The following RBBP4 variants were observed in gnomAD, a reference collection of about 807,000 sequenced individuals.
The protein encoded by RBBP4 is histone-binding protein RBBP4.
In RBBP4, 3 loss-of-function variants were observed where a neutral mutation model predicts 57.2. The ratio of observed to expected loss-of-function variants is 0.05; its 90% CI spans 0.02 to 0.14. The LOEUF (loss-of-function observed/expected upper bound fraction) is 0.14, where lower values mean the gene tolerates loss of function less well. RBBP4 is among the 10% of genes least tolerant of loss of function. The pLI is 1.00. For missense variants in RBBP4, 107 were observed against 520.6 expected (o/e 0.21, Z 7.73); for synonymous variants, 151 against 171.5 (o/e 0.88, Z 0.93).
In RBBP4 at chr1:32,651,828, G is replaced by A. The variant is rs146406493; in HGVS notation, c.17-86G>A. 2.0e-4 allele frequency: 286 copies of A among 1,397,992 alleles called. No homozygotes were observed. The African/African-American group carries it at 3.7e-3, about 18-fold the overall frequency. 86.6% of individuals were successfully genotyped at this position (1,397,992 alleles called of 1,614,324 possible). On this transcript the variant is annotated intron_variant, in intron 1 of 11. Transcript: ENST00000373493. ...CAAATCACCTCCATTTCATGGTTAG[G>A]CTGTAGGAGTCATGCAGGTGGCTTT...
Position 32,679,795 on chromosome 1 carries a change from T to C in RBBP4, c.*90T>C. 1.3e-6 allele frequency: 2 copies of C among 1,567,386 alleles called. No individual in the cohort carries two copies. Among genetic ancestry groups the C allele is most frequent in the Non-Finnish European group, 1.7e-6 (2 of 1,160,202 alleles). On this transcript the variant is annotated 3_prime_UTR_variant, in exon 12 of 12. Transcript: ENST00000373493. ...ACACTGGTTTTGAGACAGACTTTAT[T>C]CAGCTATCCCTCTATATAATAGGTA...
At chr1:32,677,357 A>G (rs1649145223) in intron 11 of RBBP4, among the ~76,000 whole-genome samples, 1 of 151,816 alleles carries the variant, frequency 6.6e-6, no homozygotes, top group Non-Finnish European at 1.5e-5. Context: ...TTGGTGAACA[A>G]CTCGACATAC....
chr1:32,673,892 A>T (rs182377265), intron 11 of RBBP4, among the ~76,000 whole-genome samples: 1 of 151,922 alleles, frequency 6.6e-6, no homozygotes, highest in African/African-American at 2.4e-5. Context: ...AGGTCAGGAG[A>T]TCGAGACCAT....
intron 3 of RBBP4, among the ~76,000 whole-genome samples, chr1:32,664,916 A>G (rs1477571869): frequency 2.0e-5 from 3 of 152,236 alleles, no homozygotes; most frequent in East Asian, 1.9e-4. Context: ...TAAACGTGCA[A>G]TAGCATTATG....
chr1:32,663,583 T>TA (rs1648515279), intron 3 of RBBP4, among the ~76,000 whole-genome samples: 1 of 5,978 alleles, frequency 1.7e-4, no homozygotes, highest in Non-Finnish European at 5.6e-3. Flanking sequence ...CCCTGAAATA[T>TA]TTTTTTTTTT....
chr1:32,668,562 T>G, intron 4 of RBBP4, 164 bp downstream of exon 4: 1 of 905,404 alleles, frequency 1.1e-6, no homozygotes, highest in South Asian at 1.8e-5. Flanking sequence ...AAAATAATGC[T>G]TTTTTACATA....
At chr1:32,666,653 G>A (rs1172833835) in intron 3 of RBBP4, among the ~76,000 whole-genome samples, 1 of 152,142 alleles carries the variant, frequency 6.6e-6, no homozygotes, top group Non-Finnish European at 1.5e-5. Context: ...CACTGCGCCT[G>A]GCTGAAAACT....
chr1:32,686,151 T>C lies in RBBP4; in HGVS notation c.*6446T>C, dbSNP rs1373341870. On this transcript the variant is annotated 3_prime_UTR_variant, in exon 12 of 12. Transcript: ENST00000373493. ...CAAAATGTAAAATATGTCAAAAATA[T>C]TTGATACTGATTACATGTTGAAATA... The C allele has an allele frequency of 1.3e-5, 2 of 152,240 alleles. No individual in the cohort carries two copies. The highest frequency in any genetic ancestry group is 2.4e-5 in the African/African-American group (1 of 41,460). The allele number at this position is 152,240 out of a possible 1,614,324, so 9.4% of individuals were successfully genotyped here.
At chr1:32,667,684 G>A (rs1648712083) in intron 3 of RBBP4, among the ~76,000 whole-genome samples, 1 of 152,126 alleles carries the variant, frequency 6.6e-6, no homozygotes, top group Admixed American at 6.6e-5. Flanking sequence ...CTTAATTTCA[G>A]ATAGTAATAT....
intron 11 of RBBP4, among the ~76,000 whole-genome samples, chr1:32,675,886 T>C (rs1347822527): frequency 1.3e-5 from 2 of 151,758 alleles, no homozygotes; most frequent in African/African-American, 4.8e-5. Context: ...AGCCCAGAAG[T>C]TCTAGACTAG....
At position 32,683,330 on chromosome 1, in the gene RBBP4, C is replaced by T. The variant is rs1649578942; in HGVS notation, c.*3625C>T. On this transcript the variant is annotated 3_prime_UTR_variant, in exon 12 of 12. Coordinates refer to ENST00000373493, the MANE Select transcript of RBBP4 (RefSeq NM_005610.3). Reference sequence around the variant, plus strand: ...GAACATCTCTGCTTCCACCCAAAACCACAGCCTTTGAATATTATATAAGGA... The same window carrying T: ...GAACATCTCTGCTTCCACCCAAAACTACAGCCTTTGAATATTATATAAGGA... 6.6e-6 allele frequency: 1 copy of T among 150,562 alleles called. No homozygotes were observed. The highest frequency in any genetic ancestry group is 2.4e-5 in the African/African-American group (1 of 40,950). The allele number at this position is 150,562 out of a possible 1,614,324, so 9.3% of individuals were successfully genotyped here.
chr1:32,670,277 A>G (rs1648814804), intron 8 of RBBP4, among the ~76,000 whole-genome samples: 1 of 152,106 alleles, frequency 6.6e-6, no homozygotes, highest in Non-Finnish European at 1.5e-5. Flanking sequence ...TTCTTCCAAT[A>G]TATTCTTCAT....
At chr1:32,655,862 T>C (rs1648118384) in intron 2 of RBBP4, among the ~76,000 whole-genome samples, 2 of 152,136 alleles carry the variant, frequency 1.3e-5, no homozygotes, top group Admixed American at 6.6e-5. Flanking sequence ...AGGCCAGGGG[T>C]TCTCAAAATT....
Position 32,663,065 on chromosome 1 carries a change from T to C in RBBP4, c.311-5160T>C, listed in dbSNP as rs534739160. ...AAATTTATAATAAATTATTATATAT[T>C]TTACTCAAGCTGGTAGATTCTTAGT... On this transcript the variant is annotated intron_variant, in intron 3 of 11. Transcript: ENST00000373493. Among the ~76,000 whole-genome samples the C allele has an allele frequency of 4.3e-4, 65 of 152,256 alleles. No homozygotes were observed. In the East Asian group the frequency reaches 0.012, roughly 28 times the overall value.
chr1:32,668,158 C>T (rs1648734597), intron 3 of RBBP4, 67 bp from the exon 4 acceptor site: 1 of 1,442,936 alleles, frequency 6.9e-7, no homozygotes, highest in South Asian at 1.3e-5. Context: ...TTCCTGTGTT[C>T]TTATACTCTG....
chr1:32,672,729 A>G, intron 10 of RBBP4, 30 bp downstream of exon 10: 1 of 1,609,046 alleles, frequency 6.2e-7, no homozygotes, highest in Non-Finnish European at 8.5e-7. Flanking sequence ...CAGTACTGAA[A>G]TAGTCTGTAA....
intron 2 of RBBP4, among the ~76,000 whole-genome samples, chr1:32,652,735 G>T (rs1318811065): frequency 6.6e-6 from 1 of 152,060 alleles, no homozygotes; most frequent in Admixed American, 6.6e-5. Context: ...AGTAGAGACG[G>T]GGTTTTACCA....
rs1648787827 is a variant in RBBP4, at chr1:32,669,645, C to G, written c.966+82C>G. The G allele has an allele frequency of 2.0e-6, 3 of 1,497,824 alleles. No homozygotes were observed. The South Asian group carries it at 4.2e-5, about 21-fold the overall frequency. The allele number at this position is 1,497,824 out of a possible 1,614,324, so 92.8% of individuals were successfully genotyped here. On this transcript the variant is annotated intron_variant, in intron 8 of 11. Transcript: ENST00000373493. This position sits in a 1 kb window ranked among gnomAD's most constrained non-coding sequence, Gnocchi z 4.9. ...GTCGCTCACGCCTGTAATCCCAGCA[C>G]TTTGGGAGGCTGAAGCGGGCGGATC...
intron 8 of RBBP4, among the ~76,000 whole-genome samples, chr1:32,671,964 A>G (rs917659921): frequency 2.6e-5 from 4 of 152,086 alleles, no homozygotes; most frequent in African/African-American, 9.6e-5. Flanking sequence ...AGAAATGTCT[A>G]GTAATGGGTT....
Sources: allele counts gnomAD v4.1 joint callset (sites outside exome capture counted in the v4.1 genomes callset), GRCh38; gene constraint gnomAD v4.1.1; non-coding constraint Gnocchi (gnomAD v3.1); transcripts MANE v1.5; gene names NCBI Gene and HGNC (gene_info 2026-07-23, HGNC 2026-07-21).